Variants in C3 observed in about 807,000 individuals in gnomAD.
The protein encoded by C3 is complement C3, also known as C3 and PZP-like alpha-2-macroglobulin domain-containing protein 1.
Under a neutral mutation model 207.9 loss-of-function variants are expected in C3, and 97 were observed. The observed-to-expected ratio is 0.47, with a 90% CI of 0.40 to 0.55. The LOEUF is 0.55. C3 is among the 20% of genes least tolerant of loss of function. The pLI is 0.00. For missense variants in C3, 1,684 were observed against 2,171.7 expected, an observed-to-expected ratio of 0.78 and a Z score of 4.46; for synonymous variants, 848 against 857.6, an observed-to-expected ratio of 0.99 and a Z score of 0.20.
intron 36 of C3, among the ~76,000 whole-genome samples, chr19:6,679,814 A>C (rs1211397801): frequency 6.6e-6 from 1 of 151,854 alleles, no homozygotes; most frequent in Non-Finnish European, 1.5e-5. Context: ...CCTGCAACTC[A>C]CATATTCCTA....
chr19:6,709,619 A>ACCCCCCCC, intron 14 of C3, 65 bp downstream of exon 14: 2 of 432,320 alleles, frequency 4.6e-6, no homozygotes, highest in Non-Finnish European at 8.0e-6. Flanking sequence ...AGTCCCACCC[A>ACCCCCCCC]CCTCCCCCAG....
intron 16 of C3, 77 bp from the exon 17 acceptor site, chr19:6,707,350 G>A: frequency 6.3e-7 from 1 of 1,598,812 alleles, no homozygotes; most frequent in Non-Finnish European, 8.6e-7. Flanking sequence ...ACGGACCCCA[G>A]GGAGGACTTC....
intron 27 of C3, among the ~76,000 whole-genome samples, chr19:6,689,283 T>G (rs1918090087): frequency 7.1e-6 from 1 of 141,134 alleles, no homozygotes; most frequent in African/African-American, 2.6e-5. Context: ...GTCAGATTTG[T>G]CTGACCCCAC....
At chr19:6,715,625 T>G (rs1568227749) in intron 4 of C3, among the ~76,000 whole-genome samples, 6 of 143,996 alleles carry the variant, frequency 4.2e-5, no homozygotes, top group Non-Finnish European at 6.1e-5. Flanking sequence ...TTTTGTTTTT[T>G]TTGTTTTTTT....
At chr19:6,697,886 A>G in intron 19 of C3, 92 bp from the exon 20 acceptor site, 1 of 1,295,824 alleles carries the variant, frequency 7.7e-7, no homozygotes, top group South Asian at 1.3e-5. Flanking sequence ...ACTCCGCAGG[A>G]GCTCTCCCTA....
intron 14 of C3, 73 bp downstream of exon 14, chr19:6,709,611 T>TCC: frequency 2.7e-6 from 3 of 1,109,448 alleles, no homozygotes; most frequent in Admixed American, 3.5e-5. Flanking sequence ...CCCTCTCCAG[T>TCC]CCCACCCACC....
In C3 at chr19:6,714,215, T is replaced by C. The variant is rs746042506; in HGVS notation, c.633A>G (p.Glu211=). ...MGQWKIRAYY[E]NSPQQVFSTE... ...TGGAGAAGACCTGCTGTGGTGAGTT[T>C]TCATAGTAGGCTCGGATCTTCCACT... The change falls in exon 6 of 41, where the codon GAA becomes GAG. Residue 211 remains glutamate (E), a synonymous_variant. Transcript: ENST00000245907. 2 of 1,613,660 alleles carry C rather than the reference T, an allele frequency of 1.2e-6. No individual in the cohort carries two copies. Among genetic ancestry groups the C allele is most frequent in the Admixed American group, 3.3e-5 (2 of 59,998 alleles).
At chr19:6,686,423 T>C in intron 28 of C3, 136 bp from the exon 29 acceptor site, 2 of 931,396 alleles carry the variant, frequency 2.1e-6, no homozygotes, top group South Asian at 1.3e-5. Flanking sequence ...GGCTCTCAAT[T>C]ACTTGGCTCC....
chr19:6,699,704 A>G (rs1967605555), intron 19 of C3, among the ~76,000 whole-genome samples: 1 of 152,112 alleles, frequency 6.6e-6, no homozygotes, highest in South Asian at 2.1e-4. Context: ...GAATTGTAAA[A>G]CACATGCTGG....
chr19:6,717,856 T>C, intron 4 of C3: 1 of 617,654 alleles, frequency 1.6e-6, no homozygotes, highest in South Asian at 1.8e-5. Flanking sequence ...TGTGTGTGCA[T>C]TGTGTGTGCA....
In C3 at chr19:6,686,214, T is replaced by C; in HGVS notation, c.3720A>G (p.Leu1240=). The change falls in exon 29 of 41, where the codon CTA becomes CTG. Residue 1240 remains leucine (L), a synonymous_variant. Transcript: ENST00000245907. ...CAAAGTCAAAGTCTTTTAGCTGCAG[T>C]AGGGCCAAGAGGGCATAGGATGTGG... The part of the protein sequence containing the change: ...VEATSYALLA[L]LQLKDFDFVP... The C allele has an allele frequency of 1.2e-6, 2 of 1,614,154 alleles. No individual in the cohort carries two copies. Among genetic ancestry groups the C allele is most frequent in the Non-Finnish European group, 1.7e-6 (2 of 1,180,020 alleles).
chr19:6,718,953 G>GA (rs1291216433), intron 2 of C3, among the ~76,000 whole-genome samples: 59 of 120,490 alleles, frequency 4.9e-4, no homozygotes, highest in African/African-American at 1.6e-3. Flanking sequence ...GAAGGTCAGG[G>GA]CTTAGAAGGG....
At position 6,719,075 on chromosome 19, in the gene C3, C is replaced by G. The variant is rs1362137104; in HGVS notation, c.267+136G>C. 3 of 749,188 alleles carry G rather than the reference C, an allele frequency of 4.0e-6. No homozygotes were observed. In the South Asian group the frequency reaches 4.3e-5, roughly 11 times the overall value. The allele number at this position is 749,188 out of a possible 1,614,324, so 46.4% of individuals were successfully genotyped here. On this transcript the variant is annotated intron_variant, in intron 2 of 40. Coordinates refer to ENST00000245907, the MANE Select transcript of C3 (RefSeq NM_000064.4). The surrounding 1 kb of genome is among the most constrained non-coding windows in gnomAD (Gnocchi z 5.4). ...GAAGGGAGGGGCTTAGAAGGAGAGG[C>G]GACTCCGAAGGGGTGGAGTCTCAGG...
chr19:6,702,426 G>A (rs1480635565), intron 18 of C3, 45 bp downstream of exon 18: 10 of 1,278,184 alleles, frequency 7.8e-6, no homozygotes, highest in African/African-American at 1.5e-5. Context: ...CAAATTAAAC[G>A]GTCTGACTCT....
rs1315326132 is a variant in C3 at position 6,693,483 on chromosome 19, G to A, written c.3159C>T (p.Tyr1053=). ...QGALELIKKG[Y]TQQLAFRQPS... is the part of the protein sequence containing the mutation. The stretch of plus-strand genomic sequence containing the variant: ...GTTGTCTGAAGGCCAGCTGCTGGGT[G>A]TACCCTGCAGAGAAGAGAGAGGAAC... Residue 1053 remains tyrosine (Y), a synonymous_variant, in exon 25 of 41, where the codon TAC becomes TAT. Coordinates refer to ENST00000245907, the MANE Select transcript of C3 (RefSeq NM_000064.4). 1.2e-6 allele frequency: 2 copies of A among 1,611,668 alleles called. No individual in the cohort carries two copies.
At chr19:6,707,977 A>G (rs753853142) in intron 14 of C3, 48 bp from the exon 15 acceptor site, 5 of 1,608,602 alleles carry the variant, frequency 3.1e-6, no homozygotes, top group Non-Finnish European at 4.2e-6. Context: ...CAGGCTGACA[A>G]TTGGGATCCC....
intron 36 of C3, among the ~76,000 whole-genome samples, chr19:6,679,774 A>G (rs1917813042): frequency 6.6e-6 from 1 of 151,748 alleles, no homozygotes; most frequent in Admixed American, 6.6e-5. Flanking sequence ...TCATATATCT[A>G]GAATCCTTAG....
At chr19:6,709,619 A>ACCACCCCCCCCCCCC in intron 14 of C3, 65 bp downstream of exon 14, 1 of 432,322 alleles carries the variant, frequency 2.3e-6, no homozygotes, top group Non-Finnish European at 4.0e-6. Context: ...AGTCCCACCC[A>ACCACCCCCCCCCCCC]CCTCCCCCAG....
intron 19 of C3, among the ~76,000 whole-genome samples, chr19:6,701,723 C>T (rs574281046): frequency 1.3e-5 from 2 of 152,134 alleles, no homozygotes; most frequent in Non-Finnish European, 1.5e-5. Flanking sequence ...CGGGGTTTCA[C>T]CACGTTGACC....
Sources: gnomAD v4.1 joint callset for allele counts (sites outside exome capture counted in the v4.1 genomes callset) on GRCh38, gnomAD v4.1.1 for gene constraint, Gnocchi (gnomAD v3.1) non-coding constraint, MANE v1.5 for transcripts, NCBI Gene and HGNC (gene_info 2026-07-23, HGNC 2026-07-21) for gene names.